Variants in NUGGC observed in about 807,000 individuals in gnomAD.
The protein encoded by NUGGC is nuclear GTPase SLIP-GC.
In NUGGC, 58 loss-of-function variants were observed where a neutral mutation model predicts 92.6. The ratio of observed to expected loss-of-function variants is 0.63; its 90% CI spans 0.51 to 0.78. The LOEUF (loss-of-function observed/expected upper bound fraction) is 0.78, where lower values mean the gene tolerates loss of function less well. Ranked by LOEUF, NUGGC falls within the 30% of genes least tolerant of loss-of-function variation. The pLI, the probability that NUGGC is intolerant of heterozygous loss-of-function variation, is 0.00. For missense variants in NUGGC, 925 were observed against 964.6 expected (o/e 0.96, Z 0.54); for synonymous variants, 376 against 366.4 (o/e 1.03, Z -0.30).
At chr8:28,074,569 T>A in intron 1 of NUGGC, 113 bp from the exon 2 acceptor site, 1 of 684,656 alleles carries the variant, frequency 1.5e-6, no homozygotes. Context: ...TTCCAACGTA[T>A]CTCTGAATCC....
At chr8:28,030,047 G>A (rs1276023787) in intron 16 of NUGGC, among the ~76,000 whole-genome samples, 1 of 152,136 alleles carries the variant, frequency 6.6e-6, no homozygotes, top group African/African-American at 2.4e-5. Context: ...CCTGGACACT[G>A]GATTCTACAG....
chr8:28,045,854 G>C (rs1439011751), intron 11 of NUGGC, among the ~76,000 whole-genome samples, 194 bp from the exon 12 acceptor site: 1 of 152,146 alleles, frequency 6.6e-6, no homozygotes, highest in Non-Finnish European at 1.5e-5. Flanking sequence ...AGTGATGAAT[G>C]GTAGATCAGC....
rs542066341 is a variant in NUGGC, at chr8:28,068,306, A to G, written c.390T>C (p.Ser130=). Residue 130 remains serine, a synonymous_variant, in exon 5 of 19, where the codon TCT becomes TCC. Transcript: ENST00000413272. ...IIQQAMFLPV[S]GESICTSCIV... Reference sequence around the variant, plus strand: ...TGCAGGAAGTACATATGCTTTCTCCAGACACTGGTAGAAACATTGCTTGCT... The same window carrying G: ...TGCAGGAAGTACATATGCTTTCTCCGGACACTGGTAGAAACATTGCTTGCT... The G allele has an allele frequency of 1.2e-5, 18 of 1,554,602 alleles. No individual in the cohort carries two copies. The East Asian group carries it at 3.4e-4, about 29-fold the overall frequency.
At chr8:28,081,539 C>T (rs1810850178) in intron 1 of NUGGC, among the ~76,000 whole-genome samples, 1 of 152,060 alleles carries the variant, frequency 6.6e-6, no homozygotes, top group Non-Finnish European at 1.5e-5. Context: ...CCGTTCTTGT[C>T]CCTATTGATC....
chr8:28,066,524 C>G (rs922378128), intron 6 of NUGGC, among the ~76,000 whole-genome samples: 1 of 152,006 alleles, frequency 6.6e-6, no homozygotes, highest in Non-Finnish European at 1.5e-5. Context: ...GAACATTTAA[C>G]TTTAGGACAT....
chr8:28,048,901 T>G (rs1042792928), intron 10 of NUGGC, among the ~76,000 whole-genome samples: 1 of 151,402 alleles, frequency 6.6e-6, no homozygotes, highest in African/African-American at 2.4e-5. Flanking sequence ...TAAGAATTAT[T>G]TGAGGGAGTC....
chr8:28,033,632 A>G lies in NUGGC; in HGVS notation c.1677T>C (p.Tyr559=), dbSNP rs776370818. ...LKAVCLKNGI[Y]ASRTLARIDL... ...CAATTCTCGCCAGAGTCCTGGAGGC[A>G]TAGATGCCATTTTTCAGGCAAACAG... Residue 559 remains tyrosine (Y), a synonymous_variant, in exon 14 of 19, where the codon TAT becomes TAC. Coordinates refer to ENST00000413272, the MANE Select transcript of NUGGC (RefSeq NM_001010906.2). The G allele has an allele frequency of 4.0e-5, 65 of 1,613,988 alleles. No homozygotes were observed. The highest frequency in any genetic ancestry group is 5.4e-5 in the Non-Finnish European group (64 of 1,179,842).
At chr8:28,059,894 G>T (rs960646787) in intron 8 of NUGGC, among the ~76,000 whole-genome samples, 7 of 152,058 alleles carry the variant, frequency 4.6e-5, no homozygotes, top group African/African-American at 1.5e-4. Context: ...ACCGGCCGGC[G>T]CCTGTAATCC....
chr8:28,030,193 T>G, intron 16 of NUGGC, 117 bp downstream of exon 16: 1 of 656,550 alleles, frequency 1.5e-6, no homozygotes, highest in East Asian at 2.7e-5. Context: ...CTGAGAGTGC[T>G]GCAAAGTCTT....
chr8:28,046,677 C>A (rs1240411933), intron 11 of NUGGC, among the ~76,000 whole-genome samples: 1 of 127,548 alleles, frequency 7.8e-6, no homozygotes, highest in Non-Finnish European at 1.6e-5. Context: ...AAATGATAAC[C>A]CAATTTTTTT....
intron 5 of NUGGC, 53 bp from the exon 6 acceptor site, chr8:28,067,797 C>G: frequency 7.0e-7 from 1 of 1,419,574 alleles, no homozygotes; most frequent in Non-Finnish European, 9.8e-7. Context: ...CAGAGAACAC[C>G]GACAAACAGA....
At chr8:28,058,845 G>A (rs1343439626) in intron 8 of NUGGC, among the ~76,000 whole-genome samples, 1 of 152,080 alleles carries the variant, frequency 6.6e-6, no homozygotes, top group African/African-American at 2.4e-5. Flanking sequence ...TGGGACTACA[G>A]GTGTGCATCA....
In NUGGC at chr8:28,060,408, G is replaced by T; in HGVS notation, c.1097+18C>A. The T allele has an allele frequency of 6.2e-7, 1 of 1,612,376 alleles. No individual in the cohort carries two copies. Among genetic ancestry groups the T allele is most frequent in the Non-Finnish European group, 8.5e-7 (1 of 1,178,964 alleles). On this transcript the variant is annotated intron_variant, in intron 8 of 18. Coordinates refer to ENST00000413272, the MANE Select transcript of NUGGC (RefSeq NM_001010906.2). ...GCCCCTGACTGGAGCCCACATCCTT[G>T]CAAGCCCAGCACAATACCTTAGGTA...
chr8:28,082,434 G>A (rs929610200), intron 1 of NUGGC, among the ~76,000 whole-genome samples: 2 of 152,206 alleles, frequency 1.3e-5, no homozygotes, highest in Non-Finnish European at 2.9e-5. Flanking sequence ...GGCATAAGAT[G>A]ACACTTCCCT....
At position 28,058,864 on chromosome 8, in the gene NUGGC, G is replaced by A. The variant is rs543754649; in HGVS notation, c.1098-588C>T. Among the ~76,000 whole-genome samples the A allele has an allele frequency of 8.6e-5, 13 of 151,924 alleles. No individual in the cohort carries two copies. The East Asian group carries it at 1.2e-3, about 14-fold the overall frequency. ...ACTACAGGTGTGCATCACCACGCCCGGCCAATTTATTTTGTATTTTTTAGT... is the reference window on the plus strand; with the variant it reads ...ACTACAGGTGTGCATCACCACGCCCAGCCAATTTATTTTGTATTTTTTAGT... On this transcript the variant is annotated intron_variant, in intron 8 of 18. Coordinates refer to ENST00000413272, the MANE Select transcript of NUGGC (RefSeq NM_001010906.2).
chr8:28,042,408 T>C (rs562467070), intron 12 of NUGGC, among the ~76,000 whole-genome samples: 1 of 152,314 alleles, frequency 6.6e-6, no homozygotes, highest in African/African-American at 2.4e-5. Flanking sequence ...TGACACATCC[T>C]GCCAAGTAGC....
intron 13 of NUGGC, among the ~76,000 whole-genome samples, chr8:28,040,620 G>T (rs1790235790): frequency 6.7e-6 from 1 of 148,626 alleles, no homozygotes; most frequent in South Asian, 2.1e-4. Flanking sequence ...AACCTCCTCT[G>T]GCTCTTTTTT....
rs189842846 is a variant in NUGGC, at chr8:28,082,253, C to A, written c.-47+1522G>T. Among the ~76,000 whole-genome samples, 11 of 152,358 alleles carry A rather than the reference C, an allele frequency of 7.2e-5. No individual in the cohort carries two copies. In the South Asian group the frequency reaches 1.2e-3, roughly 17 times the overall value. ...GAATTAGAAATGTGGCCACCAGAAG[C>A]AGTCGTAGTAGAAGGGAGGCTTTAG... On this transcript the variant is annotated intron_variant, in intron 1 of 18. Transcript: ENST00000413272.
At chr8:28,039,037 G>T (rs796606867) in intron 13 of NUGGC, among the ~76,000 whole-genome samples, 1 of 151,992 alleles carries the variant, frequency 6.6e-6, no homozygotes, top group Admixed American at 6.6e-5. Flanking sequence ...GGCTACCCAC[G>T]CCCAACCGCA....
Sources: allele counts gnomAD v4.1 joint callset (sites outside exome capture counted in the v4.1 genomes callset), GRCh38; gene constraint gnomAD v4.1.1; transcripts MANE v1.5; gene names NCBI Gene and HGNC (gene_info 2026-07-23, HGNC 2026-07-21).